ZNF385D: variants seen among roughly 807,000 people sequenced by gnomAD.
ZNF385D encodes zinc finger protein 659.
Under a neutral mutation model 35.8 loss-of-function variants are expected in ZNF385D, and 15 were observed. The ratio of observed to expected loss-of-function variants is 0.42; its 90% CI spans 0.28 to 0.64. The LOEUF (loss-of-function observed/expected upper bound fraction) is 0.64. ZNF385D is among the 30% of genes least tolerant of loss of function. The pLI, the probability that ZNF385D is intolerant of heterozygous loss-of-function variation, is 0.23. For missense variants in ZNF385D, 474 were observed against 494.6 expected (o/e 0.96, Z 0.39); for synonymous variants, 212 against 186.8 (o/e 1.13, Z -1.10).
intron 4 of ZNF385D, among the ~76,000 whole-genome samples, chr3:21,446,041 A>G (rs947893804): frequency 5.3e-5 from 8 of 152,166 alleles, no homozygotes; most frequent in African/African-American, 1.7e-4. Context: ...ATGCGTCAGA[A>G]TCACCCAAAG....
At chr3:21,437,273 T>A (rs1429727209) in intron 4 of ZNF385D, 70 bp from the exon 5 acceptor site, 1 of 1,393,272 alleles carries the variant, frequency 7.2e-7, no homozygotes, top group Non-Finnish European at 9.9e-7. Flanking sequence ...CAGGAATGTA[T>A]CATGAATATT....
chr3:21,537,124 CTTTTTTTTTT>C (rs35873199), intron 3 of ZNF385D, among the ~76,000 whole-genome samples: 79 of 95,014 alleles, frequency 8.3e-4, no homozygotes, highest in African/African-American at 3.0e-3. Context: ...AAAATATCAA[CTTTTTTTTTT>C]TTTTTTTTTT....
chr3:22,243,571 A>G (rs1274901511), intron 2 of ZNF385D, among the ~76,000 whole-genome samples: 1 of 151,052 alleles, frequency 6.6e-6, no homozygotes, highest in Non-Finnish European at 1.5e-5. Flanking sequence ...ACAGGGAGAG[A>G]AATTAGCCTG....
chr3:22,105,754 G>GAGTAAAGCA (rs1702179299), intron 3 of ZNF385D, among the ~76,000 whole-genome samples: 5 of 152,188 alleles, frequency 3.3e-5, no homozygotes, highest in African/African-American at 1.2e-4. Flanking sequence ...CCAACATTGG[G>GAGTAAAGCA]GAGGGCCATC....
chr3:21,750,186 C>T (rs1187896772), intron 1 of ZNF385D, among the ~76,000 whole-genome samples: 1 of 152,222 alleles, frequency 6.6e-6, no homozygotes, highest in Non-Finnish European at 1.5e-5. Context: ...GCTCCAAGCC[C>T]ACTTCCAGTG....
At chr3:21,430,783 T>C (rs1482323442) in intron 5 of ZNF385D, among the ~76,000 whole-genome samples, 1 of 152,174 alleles carries the variant, frequency 6.6e-6, no homozygotes, top group East Asian at 1.9e-4. Flanking sequence ...ATTGCTTTTA[T>C]ATCCATTCCC....
intron 3 of ZNF385D, among the ~76,000 whole-genome samples, chr3:21,961,145 T>C (rs1323161211): frequency 6.6e-6 from 1 of 152,096 alleles, no homozygotes; most frequent in Non-Finnish European, 1.5e-5. Flanking sequence ...TTATACACTG[T>C]ATACATGTAT....
At chr3:22,293,754 G>T (rs1410531017) in intron 2 of ZNF385D, among the ~76,000 whole-genome samples, 2 of 152,098 alleles carry the variant, frequency 1.3e-5, no homozygotes, top group Non-Finnish European at 2.9e-5. Context: ...TTCAGCATCA[G>T]CATCACCTGG....
chr3:22,126,126 T>C (rs564625159), intron 3 of ZNF385D, among the ~76,000 whole-genome samples: 1 of 152,128 alleles, frequency 6.6e-6, no homozygotes, highest in South Asian at 2.1e-4. Context: ...CATGAAGAAA[T>C]GGTGAATTTT....
intron 2 of ZNF385D, among the ~76,000 whole-genome samples, chr3:22,346,734 T>C (rs529823571): frequency 1.3e-5 from 2 of 152,304 alleles, no homozygotes; most frequent in Middle Eastern, 3.4e-3. Context: ...AGTTCCCTTC[T>C]CTCACCTCAA....
intron 2 of ZNF385D, among the ~76,000 whole-genome samples, chr3:22,337,831 C>G (rs1455911959): frequency 6.6e-6 from 1 of 152,184 alleles, no homozygotes; most frequent in Non-Finnish European, 1.5e-5. Flanking sequence ...GAGGACAGAA[C>G]AGGAGCTATC....
chr3:21,897,442 A>G lies in ZNF385D; in HGVS notation c.326-232414T>C, dbSNP rs796382718. On this transcript the variant is annotated intron_variant, in intron 3 of 5. Transcript: ENST00000494108. ...AATCAAGACTGTGGCGGCTATCCTT[A>G]TTTTATTTTATGCCCCTTACGGCAT... is the stretch of plus-strand genomic sequence containing the variant. Among the ~76,000 whole-genome samples the G allele has an allele frequency of 3.1e-4, 47 of 152,176 alleles. 2 individuals are homozygous for G. The Middle Eastern group carries it at 0.014, about 44-fold the overall frequency.
At chr3:22,226,301 G>A (rs1459124747) in intron 2 of ZNF385D, among the ~76,000 whole-genome samples, 4 of 152,032 alleles carry the variant, frequency 2.6e-5, no homozygotes, top group Admixed American at 2.6e-4. Flanking sequence ...TTGGATGCAT[G>A]GGGCCTCAGC....
intron 3 of ZNF385D, among the ~76,000 whole-genome samples, chr3:21,845,085 T>A (rs1186529901): frequency 1.3e-5 from 2 of 151,942 alleles, no homozygotes; most frequent in Non-Finnish European, 2.9e-5. Context: ...TTTGCGACAT[T>A]TTTATTCAAG....
chr3:21,680,841 G>A (rs1410050464), intron 1 of ZNF385D, among the ~76,000 whole-genome samples: 1 of 151,866 alleles, frequency 6.6e-6, no homozygotes, highest in Non-Finnish European at 1.5e-5. Context: ...ACATATCCTA[G>A]CTAAATCTTA....
intron 3 of ZNF385D, among the ~76,000 whole-genome samples, chr3:21,556,232 T>C (rs1318121392): frequency 6.6e-6 from 1 of 152,150 alleles, no homozygotes; most frequent in Non-Finnish European, 1.5e-5. Flanking sequence ...CTTAATTAGA[T>C]CTCATTTGTC....
At position 22,342,748 on chromosome 3, in the gene ZNF385D, A is replaced by G. The variant is rs116051488; in HGVS notation, c.106+29702T>C. Among the ~76,000 whole-genome samples, 1,300 of 152,314 alleles carry G rather than the reference A, an allele frequency of 8.5e-3. 17 individuals carry two copies. The highest frequency in any genetic ancestry group is 0.03 in the African/African-American group (1,250 of 41,566). ...AACACCAACAAGCAAAGAATATAGA[A>G]AATAATACCTCAGCCCTTGAAGAAA... is the stretch of plus-strand genomic sequence containing the variant. On this transcript the variant is annotated intron_variant, in intron 2 of 5. Coordinates refer to the ZNF385D transcript ENST00000494108.
chr3:22,025,614 A>G (rs1478501022), intron 3 of ZNF385D, among the ~76,000 whole-genome samples: 1 of 152,192 alleles, frequency 6.6e-6, no homozygotes, highest in Non-Finnish European at 1.5e-5. Context: ...AGGTTCTAAC[A>G]GTTTATTTGC....
chr3:22,134,444 T>A (rs989814948), intron 3 of ZNF385D: 13 of 152,054 alleles, frequency 8.5e-5, no homozygotes, highest in African/African-American at 2.9e-4. Flanking sequence ...TAGCAATCAT[T>A]AAAACTACTA....
Sources: gnomAD v4.1 joint callset for allele counts (sites outside exome capture counted in the v4.1 genomes callset) on GRCh38, gnomAD v4.1.1 for gene constraint, MANE v1.5 for transcripts, NCBI Gene and HGNC (gene_info 2026-07-23, HGNC 2026-07-21) for gene names.